Variants in TMEM108 observed in about 807,000 individuals in gnomAD.
TMEM108 encodes the protein transmembrane protein 108.
A neutral mutation model predicts 35.1 loss-of-function variants in TMEM108; 12 were observed. The observed-to-expected ratio is 0.34, with a 90% confidence interval of 0.22 to 0.55. TMEM108 has a LOEUF of 0.55. TMEM108 is among the 20% of genes least tolerant of loss of function. The pLI, the probability that TMEM108 is intolerant of heterozygous loss-of-function variation, is 0.89. For missense variants in TMEM108, 680 were observed against 753.3 expected (o/e 0.90, Z 1.14); for synonymous variants, 287 against 308.6 (o/e 0.93, Z 0.73).
intron 2 of TMEM108, among the ~76,000 whole-genome samples, chr3:133,145,674 C>A (rs1944708896): frequency 1.3e-5 from 2 of 152,164 alleles, no homozygotes; most frequent in Admixed American, 6.5e-5. Flanking sequence ...TTGAAGAGGT[C>A]CTTCACATCC....
At chr3:133,353,514 G>A (rs990511840) in intron 3 of TMEM108, among the ~76,000 whole-genome samples, 4 of 152,192 alleles carry the variant, frequency 2.6e-5, no homozygotes, top group African/African-American at 9.7e-5. Flanking sequence ...GCCAGGAGGG[G>A]CCCCATGACA....
At position 133,386,659 on chromosome 3, in the gene TMEM108, GA is replaced by G. The variant is rs199828188; in HGVS notation, c.1451-3518del. 9.9e-6 allele frequency: 14 copies of G among 1,413,640 alleles called. No individual in the cohort carries two copies. The East Asian group carries it at 3.5e-4, about 36-fold the overall frequency. 87.6% of individuals were successfully genotyped at this position (1,413,640 alleles called of 1,614,324 possible). A position where few individuals can be genotyped will look rare whatever the true frequency, so the allele number is the denominator to read the frequency against. On this transcript the variant is annotated intron_variant, in intron 4 of 5. Transcript: ENST00000321871. ...AGTCTTGATGGCTACTGCCTCAGGA[GA>G]AACAGAGCAGTTGAAGCTTTTCAAC...
chr3:133,377,014 C>T (rs994326761), intron 3 of TMEM108, among the ~76,000 whole-genome samples: 1 of 152,186 alleles, frequency 6.6e-6, no homozygotes, highest in Non-Finnish European at 1.5e-5. Context: ...CCTCTAGCTG[C>T]CGTGTCCTCA....
rs958719332 is a variant in TMEM108, at chr3:133,156,224, A to G, written c.-46-73042A>G. Among the ~76,000 whole-genome samples the G allele has an allele frequency of 2.0e-5, 3 of 152,250 alleles. No homozygotes were observed. The East Asian group carries it at 5.8e-4, about 29-fold the overall frequency. Reference sequence around the variant, plus strand: ...ATAGTGATTCTGTAGGTGTTTTACAAATCAACTAAGACAACCTTACAAATA... The same window carrying G: ...ATAGTGATTCTGTAGGTGTTTTACAGATCAACTAAGACAACCTTACAAATA... On this transcript the variant is annotated intron_variant, in intron 2 of 5. Coordinates refer to ENST00000321871, the MANE Select transcript of TMEM108 (RefSeq NM_023943.4).
chr3:133,295,915 T>C lies in TMEM108; in HGVS notation c.40+66564T>C, dbSNP rs189822514. ...CAAGGCCCCCTGAATGAAAATAATT[T>C]GTTGCCAAAAAACGGTAACAGGACT... On this transcript the variant is annotated intron_variant, in intron 3 of 5. Coordinates refer to ENST00000321871, the MANE Select transcript of TMEM108 (RefSeq NM_023943.4). 2.3e-3 allele frequency among the ~76,000 whole-genome samples: 348 copies of C among 152,300 alleles called. 1 individual carries two copies. Among genetic ancestry groups the C allele is most frequent in the Middle Eastern group, 0.014 (4 of 294 alleles).
chr3:133,277,942 C>G (rs757902854), intron 3 of TMEM108, among the ~76,000 whole-genome samples: 1 of 152,152 alleles, frequency 6.6e-6, no homozygotes, highest in Admixed American at 6.5e-5. Flanking sequence ...TTATTGCAAA[C>G]CCCAGTGGAA....
chr3:133,100,321 A>C (rs1184585161), intron 2 of TMEM108, among the ~76,000 whole-genome samples: 1 of 152,198 alleles, frequency 6.6e-6, no homozygotes, highest in African/African-American at 2.4e-5. Context: ...ACACAGTCAA[A>C]CCATATCACG....
chr3:133,126,877 A>G lies in TMEM108; in HGVS notation c.-47+80857A>G, dbSNP rs185918339. 3.9e-5 allele frequency among the ~76,000 whole-genome samples: 6 copies of G among 152,274 alleles called. No homozygotes were observed. The East Asian group carries it at 7.7e-4, about 20-fold the overall frequency. On this transcript the variant is annotated intron_variant, in intron 2 of 5. Coordinates refer to ENST00000321871, the MANE Select transcript of TMEM108 (RefSeq NM_023943.4). ...CCTAATACAATGTAAATGCTATGTA[A>G]ATAATTGTTGTGTTGTATTATCTGT...
intron 3 of TMEM108, among the ~76,000 whole-genome samples, chr3:133,242,319 A>G (rs1470853450): frequency 6.6e-6 from 1 of 152,222 alleles, no homozygotes; most frequent in Non-Finnish European, 1.5e-5. Flanking sequence ...CACACTTAGC[A>G]TAGTGCCGAG....
intron 5 of TMEM108, among the ~76,000 whole-genome samples, chr3:133,392,986 G>A (rs976374729): frequency 2.6e-5 from 4 of 152,220 alleles, no homozygotes; most frequent in South Asian, 4.2e-4. Flanking sequence ...TCTACATTTT[G>A]AATAAAATCC....
intron 4 of TMEM108, 89 bp from the exon 5 acceptor site, chr3:133,390,091 C>A: frequency 6.6e-7 from 1 of 1,506,904 alleles, no homozygotes; most frequent in Non-Finnish European, 9.1e-7. Context: ...CTTACTCCAG[C>A]TGGGAACTCT....
intron 2 of TMEM108, among the ~76,000 whole-genome samples, chr3:133,151,573 A>T (rs1194410646): frequency 6.6e-6 from 1 of 152,090 alleles, no homozygotes; most frequent in Non-Finnish European, 1.5e-5. Context: ...TTAGAAGAGG[A>T]GGAACTCGAG....
intron 2 of TMEM108, among the ~76,000 whole-genome samples, chr3:133,071,080 T>A (rs569614294): frequency 6.6e-6 from 1 of 152,256 alleles, no homozygotes; most frequent in South Asian, 2.1e-4. Flanking sequence ...CAGTAGGAAT[T>A]CACTTTTTTG....
At chr3:133,116,427 T>C (rs1263759464) in intron 2 of TMEM108, among the ~76,000 whole-genome samples, 1 of 152,204 alleles carries the variant, frequency 6.6e-6, no homozygotes, top group Non-Finnish European at 1.5e-5. Flanking sequence ...AAATTTGAAA[T>C]CCATGTATAG....
At chr3:133,089,576 A>G (rs1943924397) in intron 2 of TMEM108, among the ~76,000 whole-genome samples, 1 of 152,206 alleles carries the variant, frequency 6.6e-6, no homozygotes, top group Non-Finnish European at 1.5e-5. Flanking sequence ...CTTCATATAA[A>G]TAGTAACTGA....
chr3:133,298,262 G>C (rs1374135401), intron 3 of TMEM108, among the ~76,000 whole-genome samples: 1 of 152,138 alleles, frequency 6.6e-6, no homozygotes, highest in Non-Finnish European at 1.5e-5. Flanking sequence ...AGCTCTGCCA[G>C]AAGGACCAAG....
intron 3 of TMEM108, among the ~76,000 whole-genome samples, chr3:133,314,630 A>G (rs761705797): frequency 4.6e-5 from 7 of 152,304 alleles, no homozygotes; most frequent in Admixed American, 6.5e-5. Context: ...TGTGCACACT[A>G]AAGCCATTTC....
intron 3 of TMEM108, among the ~76,000 whole-genome samples, chr3:133,315,406 C>A (rs2071185029): frequency 6.6e-6 from 1 of 152,188 alleles, no homozygotes; most frequent in Non-Finnish European, 1.5e-5. Context: ...ACACAGAAAG[C>A]CCTGAGGACC....
chr3:133,106,766 G>A, intron 2 of TMEM108, among the ~76,000 whole-genome samples: 1 of 152,194 alleles, frequency 6.6e-6, no homozygotes, highest in East Asian at 1.9e-4. Context: ...CATCATGAAA[G>A]CAGATATTCC....
Sources: gnomAD v4.1 joint callset for allele counts (sites outside exome capture counted in the v4.1 genomes callset) on GRCh38, gnomAD v4.1.1 for gene constraint, MANE v1.5 for transcripts, NCBI Gene and HGNC (gene_info 2026-07-23, HGNC 2026-07-21) for gene names.